Variants in MYLK observed in about 807,000 individuals in gnomAD.
The protein encoded by MYLK is myosin light chain kinase, smooth muscle.
Under a neutral mutation model 203.4 loss-of-function variants are expected in MYLK, and 106 were observed. The ratio of observed to expected loss-of-function variants is 0.52; its 90% CI spans 0.45 to 0.61. MYLK has a LOEUF of 0.61. MYLK is among the 20% of genes least tolerant of loss of function. The pLI is 0.00. For synonymous variants in MYLK, 867 were observed against 959.5 expected (o/e 0.90, Z 1.78); for missense variants, 2,072 against 2,442.3 (o/e 0.85, Z 3.20).
At chr3:123,835,228 C>T (rs2066445650) in intron 2 of MYLK, among the ~76,000 whole-genome samples, 1 of 152,164 alleles carries the variant, frequency 6.6e-6, no homozygotes, top group Non-Finnish European at 1.5e-5. Context: ...GGCTGAGAAA[C>T]CTGCGTATTG....
intron 2 of MYLK, among the ~76,000 whole-genome samples, chr3:123,849,054 T>C (rs1221593800): frequency 6.6e-6 from 1 of 152,248 alleles, no homozygotes; most frequent in South Asian, 2.1e-4. Flanking sequence ...CAGCACACTG[T>C]AGCCTCAGCC....
chr3:123,870,689 G>A (rs567149396), intron 2 of MYLK, among the ~76,000 whole-genome samples: 1 of 152,328 alleles, frequency 6.6e-6, no homozygotes, highest in African/African-American at 2.4e-5. Context: ...AATCCAGCTT[G>A]TTGTCTATTT....
intron 11 of MYLK, among the ~76,000 whole-genome samples, chr3:123,731,447 G>C (rs1275857689): frequency 6.6e-6 from 1 of 152,126 alleles, no homozygotes; most frequent in African/African-American, 2.4e-5. Flanking sequence ...ACATGAGCCT[G>C]TACTTTGCTC....
rs1341056922 is a variant in MYLK at position 123,682,521 on chromosome 3, T to A, written c.3566-211A>T. Among the ~76,000 whole-genome samples the A allele has an allele frequency of 7.2e-5, 11 of 152,164 alleles. 1 individual carries two copies. The highest frequency in any genetic ancestry group is 7.2e-4 in the Admixed American group (11 of 15,286). On this transcript the variant is annotated intron_variant, in intron 19 of 33. Coordinates refer to ENST00000360304, the MANE Select transcript of MYLK (RefSeq NM_053025.4). Reference sequence around the variant, plus strand: ...GACCGTCCACTACCCTGGGCCTGATTAATCCAGTGGGGACAGCACCGTCAC... The same window carrying A: ...GACCGTCCACTACCCTGGGCCTGATAAATCCAGTGGGGACAGCACCGTCAC...
chr3:123,818,369 T>G, intron 3 of MYLK, among the ~76,000 whole-genome samples: 1 of 152,148 alleles, frequency 6.6e-6, no homozygotes, highest in East Asian at 1.9e-4. Flanking sequence ...ACACATTAGT[T>G]TGACTATGAC....
At chr3:123,829,952 G>A (rs1007681422) in intron 3 of MYLK, among the ~76,000 whole-genome samples, 25 of 152,084 alleles carry the variant, frequency 1.6e-4, no homozygotes, top group Admixed American at 9.8e-4. Context: ...GGTGTCATGT[G>A]CCCCTAGGCT....
chr3:123,709,461 T>C (rs2061605906), intron 14 of MYLK: 2 of 395,500 alleles, frequency 5.1e-6, no homozygotes, highest in East Asian at 1.2e-4. Context: ...TTTGTACCAG[T>C]CTTCAAAACC....
chr3:123,633,932 C>G (rs987651169), intron 29 of MYLK, among the ~76,000 whole-genome samples: 3 of 152,182 alleles, frequency 2.0e-5, no homozygotes, highest in Non-Finnish European at 4.4e-5. Context: ...ATCCTCCCAT[C>G]ATAGCCTCCT....
intron 3 of MYLK, among the ~76,000 whole-genome samples, chr3:123,809,965 A>G (rs1277361201): frequency 6.6e-6 from 1 of 152,200 alleles, no homozygotes; most frequent in African/African-American, 2.4e-5. Flanking sequence ...CCACAGCTGG[A>G]CAAAAGGATT....
At chr3:123,879,748 C>A in intron 1 of MYLK, among the ~76,000 whole-genome samples, 1 of 152,206 alleles carries the variant, frequency 6.6e-6, no homozygotes, top group South Asian at 2.1e-4. Flanking sequence ...CATTCTCCTG[C>A]CTCAGCCTCC....
At chr3:123,839,337 A>C (rs2148643584) in intron 2 of MYLK, among the ~76,000 whole-genome samples, 1 of 152,362 alleles carries the variant, frequency 6.6e-6, no homozygotes, top group African/African-American at 2.4e-5. Context: ...ATAAAGACAG[A>C]AATGGGTTAA....
At chr3:123,710,377 G>A (rs1205707037) in intron 13 of MYLK, among the ~76,000 whole-genome samples, 1 of 152,058 alleles carries the variant, frequency 6.6e-6, no homozygotes, top group African/African-American at 2.4e-5. Flanking sequence ...AAAAGTAAAT[G>A]AAAGCACGTT....
chr3:123,766,753 C>T (rs1024076221), intron 4 of MYLK, among the ~76,000 whole-genome samples: 4 of 152,254 alleles, frequency 2.6e-5, no homozygotes, highest in Non-Finnish European at 4.4e-5. Flanking sequence ...TCTATTGGCT[C>T]TTGCCAACTT....
intron 24 of MYLK, among the ~76,000 whole-genome samples, chr3:123,656,207 C>T (rs1377224748): frequency 6.6e-6 from 1 of 152,182 alleles, no homozygotes; most frequent in Non-Finnish European, 1.5e-5. Flanking sequence ...CATTTTCAGT[C>T]AAGGCCCAGA....
intron 2 of MYLK, among the ~76,000 whole-genome samples, chr3:123,852,044 C>T (rs2030868767): frequency 6.6e-6 from 1 of 152,244 alleles, no homozygotes; most frequent in East Asian, 1.9e-4. Flanking sequence ...GGCTGGATTA[C>T]GTTTATTGAT....
At position 123,747,633 on chromosome 3, in the gene MYLK, T is replaced by A. The variant is rs973286582; in HGVS notation, c.373+4698A>T. ...TCAACTGGCGGCTGGAAATGCAGAC[T>A]CCCAGGCTCTGCTCCAGACCTATGG... On this transcript the variant is annotated intron_variant, in intron 5 of 33. Transcript: ENST00000360304. Among the ~76,000 whole-genome samples, 6 of 152,210 alleles carry A rather than the reference T, an allele frequency of 3.9e-5. No individual in the cohort carries two copies. In the East Asian group the frequency reaches 7.7e-4, roughly 20 times the overall value.
chr3:123,855,142 A>G (rs1038857882), intron 2 of MYLK, among the ~76,000 whole-genome samples: 1 of 151,334 alleles, frequency 6.6e-6, no homozygotes, highest in African/African-American at 2.4e-5. Context: ...TTGTTACTCA[A>G]TTCTGGAAAA....
chr3:123,799,525 G>A (rs748303337), intron 3 of MYLK, among the ~76,000 whole-genome samples: 9 of 152,144 alleles, frequency 5.9e-5, no homozygotes, highest in Admixed American at 2.6e-4. Flanking sequence ...TCAGTTTGCC[G>A]GGCATCTTGG....
intron 12 of MYLK, among the ~76,000 whole-genome samples, chr3:123,722,760 G>A (rs1576737243): frequency 6.6e-6 from 1 of 152,152 alleles, no homozygotes; most frequent in Non-Finnish European, 1.5e-5. Context: ...GATGTCTCCA[G>A]AAACAACGAT....
Sources: allele counts gnomAD v4.1 joint callset (sites outside exome capture counted in the v4.1 genomes callset), GRCh38; gene constraint gnomAD v4.1.1; transcripts MANE v1.5; gene names NCBI Gene and HGNC (gene_info 2026-07-23, HGNC 2026-07-21).